Variants in DISP1 observed in about 807,000 individuals in gnomAD.
DISP1 encodes the protein protein dispatched homolog 1.
In DISP1, 30 loss-of-function variants were observed where a neutral mutation model predicts 37.3. That is an observed-to-expected ratio of 0.80 (90% confidence interval 0.60 to 1.09). DISP1 has a LOEUF of 1.09. Ranked by LOEUF, DISP1 falls within the 50% of genes least tolerant of loss-of-function variation. DISP1 has a pLI of 0.00. For missense variants in DISP1, 1,598 were observed against 1,879.5 expected (o/e 0.85, Z 2.77); for synonymous variants, 634 against 690.2 (o/e 0.92, Z 1.28).
intron 3 of DISP1, among the ~76,000 whole-genome samples, chr1:222,975,104 C>T (rs528612104): frequency 1.6e-3 from 245 of 152,274 alleles, no homozygotes; most frequent in Non-Finnish European, 2.8e-3. Context: ...TGCCTCACAG[C>T]AGCACTGACC....
chr1:222,962,205 A>G (rs751606752), intron 3 of DISP1, among the ~76,000 whole-genome samples: 2 of 152,084 alleles, frequency 1.3e-5, no homozygotes, highest in Non-Finnish European at 2.9e-5. Flanking sequence ...AAGAATAAAT[A>G]CCTTGGAATA....
In DISP1 at chr1:222,910,880, G is replaced by T. The variant is rs1672170004; in HGVS notation, c.-158-17550G>T. On this transcript the variant is annotated intron_variant, in intron 1 of 8. Transcript: ENST00000675850. ...TAGTGACTCATTTTGAGGGTAGTTT[G>T]GCCAGGGTTTATGTAAGAGAGTGAC... Among the ~76,000 whole-genome samples the T allele has an allele frequency of 2.0e-5, 3 of 152,180 alleles. No individual in the cohort carries two copies. In the South Asian group the frequency reaches 6.2e-4, roughly 32 times the overall value.
At chr1:223,001,464 G>A (rs563389233) in intron 8 of DISP1, among the ~76,000 whole-genome samples, 1 of 152,124 alleles carries the variant, frequency 6.6e-6, no homozygotes, top group South Asian at 2.1e-4. Context: ...AAACCTTTAT[G>A]CTTCTTGACA....
At chr1:222,831,276 T>C (rs1024760986) in intron 1 of DISP1, among the ~76,000 whole-genome samples, 13 of 152,218 alleles carry the variant, frequency 8.5e-5, no homozygotes, top group African/African-American at 2.9e-4. Context: ...GTTTGACATA[T>C]GTATGCACAA....
intron 4 of DISP1, chr1:222,989,301 T>C: frequency 7.8e-6 from 7 of 902,020 alleles, no homozygotes; most frequent in Non-Finnish European, 9.3e-6. Context: ...TACTGAGAAT[T>C]TGAGAGTAGT....
intron 4 of DISP1, among the ~76,000 whole-genome samples, chr1:222,988,320 T>C (rs1196183995): frequency 2.0e-5 from 3 of 152,196 alleles, no homozygotes; most frequent in African/African-American, 7.2e-5. Context: ...TCCTAATGTT[T>C]CTAGTTACTC....
rs1676865949 is a variant in DISP1, at chr1:222,970,636, T to G, written c.510-12444T>G. On this transcript the variant is annotated intron_variant, in intron 3 of 8. Transcript: ENST00000675850. Reference sequence around the variant, plus strand: ...TAGAATTTCACAGCAGGAAAGGACCTTAGAAATAATTTAATCTAACTCTCC... The same window carrying G: ...TAGAATTTCACAGCAGGAAAGGACCGTAGAAATAATTTAATCTAACTCTCC... Among the ~76,000 whole-genome samples the G allele has an allele frequency of 1.3e-5, 2 of 152,170 alleles. 1 individual carries two copies. The highest frequency in any genetic ancestry group is 4.1e-4 in the South Asian group (2 of 4,832).
At chr1:222,916,979 G>A (rs1380878643) in intron 1 of DISP1, among the ~76,000 whole-genome samples, 2 of 152,184 alleles carry the variant, frequency 1.3e-5, no homozygotes. Flanking sequence ...AAGGAATGCT[G>A]AGGGAATTCA....
At chr1:222,977,042 T>A (rs1677384957) in intron 3 of DISP1, among the ~76,000 whole-genome samples, 1 of 152,214 alleles carries the variant, frequency 6.6e-6, no homozygotes, top group South Asian at 2.1e-4. Context: ...CATATTCTTT[T>A]TTTTGAGACG....
chr1:222,962,945 A>G (rs1390559037), intron 3 of DISP1, among the ~76,000 whole-genome samples: 3 of 152,232 alleles, frequency 2.0e-5, no homozygotes, highest in African/African-American at 7.2e-5. Context: ...TAATTAAACT[A>G]AAGAGCATCT....
chr1:222,958,047 A>G (rs1675753594), intron 3 of DISP1, among the ~76,000 whole-genome samples: 1 of 152,206 alleles, frequency 6.6e-6, no homozygotes, highest in Non-Finnish European at 1.5e-5. Flanking sequence ...TTTAATTGAG[A>G]TAACTGTTAA....
intron 1 of DISP1, among the ~76,000 whole-genome samples, chr1:222,862,554 TTACTC>T (rs1668942385): frequency 1.3e-5 from 2 of 151,614 alleles, no homozygotes; most frequent in South Asian, 2.1e-4. Flanking sequence ...AGACAGGACT[TTACTC>T]TGTTGCCCAG....
chr1:222,901,909 G>A (rs1452216438), intron 1 of DISP1, among the ~76,000 whole-genome samples: 1 of 152,170 alleles, frequency 6.6e-6, no homozygotes, highest in Non-Finnish European at 1.5e-5. Context: ...TGAGATATAA[G>A]AATCAAAAGG....
intron 1 of DISP1, among the ~76,000 whole-genome samples, chr1:222,847,655 G>A (rs1667989155): frequency 6.6e-6 from 1 of 151,542 alleles, no homozygotes; most frequent in Non-Finnish European, 1.5e-5. Flanking sequence ...TCCTCTTGCA[G>A]TGGAAACCTG....
rs71178523 is a variant in DISP1, at chr1:222,992,864, A to ATTTTT, written c.889+764_889+768dup. ...ACTTGCCAGAGGTCAAAAACCCAGA[A>ATTTTT]TTTTTTTTTTTTTTGAGACAGAGTT... On this transcript the variant is annotated intron_variant, in intron 7 of 8. Transcript: ENST00000675850. Among the ~76,000 whole-genome samples, 20 of 118,600 alleles carry ATTTTT rather than the reference A, an allele frequency of 1.7e-4. 2 individuals carry two copies. Among genetic ancestry groups the ATTTTT allele is most frequent in the Admixed American group, 5.0e-4 (5 of 10,068 alleles). The allele number at this position is 118,600 out of a possible 152,430, so 77.8% of individuals were successfully genotyped here. A position where few individuals can be genotyped will look rare whatever the true frequency, so the allele number is the denominator to read the frequency against.
chr1:222,875,745 T>G (rs151244221), intron 1 of DISP1, among the ~76,000 whole-genome samples: 2,199 of 150,972 alleles, frequency 0.015, 56 homozygotes, highest in African/African-American at 0.051. Context: ...GAGAATCACT[T>G]GAACCCAGGA....
intron 1 of DISP1, among the ~76,000 whole-genome samples, chr1:222,896,203 T>A (rs897703774): frequency 6.6e-6 from 1 of 152,020 alleles, no homozygotes; most frequent in African/African-American, 2.4e-5. Context: ...CAGCTACCGG[T>A]AGGCCGAAAT....
At chr1:222,958,211 C>T (rs995815805) in intron 3 of DISP1, among the ~76,000 whole-genome samples, 2 of 152,206 alleles carry the variant, frequency 1.3e-5, no homozygotes, top group African/African-American at 4.8e-5. Flanking sequence ...TCATTGTTCA[C>T]TGCAGTCTTT....
intron 2 of DISP1, among the ~76,000 whole-genome samples, chr1:222,929,536 G>C (rs1386578460): frequency 6.6e-6 from 1 of 151,960 alleles, no homozygotes; most frequent in Non-Finnish European, 1.5e-5. Context: ...GAAGAAGAAG[G>C]AAATGTGTCC....
Sources: allele counts gnomAD v4.1 joint callset (sites outside exome capture counted in the v4.1 genomes callset), GRCh38; gene constraint gnomAD v4.1.1; transcripts MANE v1.5; gene names NCBI Gene and HGNC (gene_info 2026-07-23, HGNC 2026-07-21).